The following KIAA1217 variants were observed in gnomAD, a reference collection of about 807,000 sequenced individuals.
KIAA1217 encodes KIAA1217.
KIAA1217 carries 88 observed loss-of-function variants against 163.9 expected under a neutral mutation model. That is an observed-to-expected ratio of 0.54 (90% CI 0.45 to 0.64). KIAA1217 has a LOEUF of 0.64. Among genes scored for constraint, KIAA1217 ranks in the 30% least tolerant of loss-of-function variants. The probability of loss-of-function intolerance (pLI) is 0.00; values close to 1 mark genes in which losing one functional copy is unlikely to be tolerated. For missense variants in KIAA1217, 2,372 were observed against 2,475.0 expected (o/e 0.96, Z 0.88); for synonymous variants, 903 against 923.1 (o/e 0.98, Z 0.39).
intron 2 of KIAA1217, among the ~76,000 whole-genome samples, chr10:24,365,825 CTTT>C (rs1217855512): frequency 1.3e-5 from 2 of 152,022 alleles, no homozygotes; most frequent in African/African-American, 2.4e-5. Flanking sequence ...TTCAAGTGTT[CTTT>C]TTCTTCTAGT....
intron 6 of KIAA1217, among the ~76,000 whole-genome samples, chr10:24,492,891 G>A (rs1009540089): frequency 2.6e-5 from 4 of 151,750 alleles, no homozygotes; most frequent in African/African-American, 9.7e-5. Context: ...TGTCACCCAG[G>A]ATGGAGTGCA....
chr10:24,209,855 TG>T (rs1444202941), intron 1 of KIAA1217, among the ~76,000 whole-genome samples: 1 of 152,252 alleles, frequency 6.6e-6, no homozygotes, highest in Non-Finnish European at 1.5e-5. Context: ...TGGACAATTT[TG>T]GTAAATTTTC....
chr10:23,838,160 G>C (rs1335816), intron 1 of KIAA1217, among the ~76,000 whole-genome samples: 10,808 of 152,120 alleles, frequency 0.071, 1,302 homozygotes, highest in African/African-American at 0.25. Flanking sequence ...TACTAAGACT[G>C]TGATTAATAT....
At chr10:23,941,462 C>T (rs1453939455) in intron 1 of KIAA1217, among the ~76,000 whole-genome samples, 2 of 152,116 alleles carry the variant, frequency 1.3e-5, no homozygotes, top group Non-Finnish European at 2.9e-5. Context: ...CACATTGAAT[C>T]GGACTAACAT....
At chr10:24,141,103 C>A (rs145218577) in intron 2 of KIAA1217, among the ~76,000 whole-genome samples, 635 of 152,142 alleles carry the variant, frequency 4.2e-3, no homozygotes, top group African/African-American at 0.015. Context: ...TTTCTTTCCT[C>A]CAGCATCTCC....
chr10:24,397,623 A>G (rs1412647619), intron 3 of KIAA1217, among the ~76,000 whole-genome samples: 1 of 152,158 alleles, frequency 6.6e-6, no homozygotes, highest in Non-Finnish European at 1.5e-5. Flanking sequence ...GAAAAGTAGC[A>G]TTTGATTTGG....
At position 23,945,075 on chromosome 10, in the gene KIAA1217, A is replaced by AAG. The variant is rs763057448; in HGVS notation, c.-320-62150_-320-62149insAG. ...CTCTATCTCAAAAAAAAAAAAAAAA[A>AAG]GGGTTTTAACATACATCTATCATCC... On this transcript the variant is annotated intron_variant, in intron 1 of 18. Coordinates refer to the KIAA1217 transcript ENST00000376462. 4.0e-3 allele frequency among the ~76,000 whole-genome samples: 581 copies of AAG among 146,450 alleles called. 6 individuals are homozygous for AAG. Among genetic ancestry groups the AAG allele is most frequent in the Middle Eastern group, 6.9e-3 (2 of 288 alleles).
chr10:23,862,243 C>G (rs866048139), intron 1 of KIAA1217, among the ~76,000 whole-genome samples: 1 of 152,122 alleles, frequency 6.6e-6, no homozygotes, highest in South Asian at 2.1e-4. Flanking sequence ...GATTTTGCCC[C>G]AGTATTAAAG....
chr10:24,327,023 G>A (rs2045011875), intron 2 of KIAA1217, among the ~76,000 whole-genome samples: 1 of 152,096 alleles, frequency 6.6e-6, no homozygotes, highest in Admixed American at 6.5e-5. Flanking sequence ...GCTTCTTAGT[G>A]TTTTCAAAAC....
chr10:24,317,520 A>T (rs1377360284), intron 2 of KIAA1217, among the ~76,000 whole-genome samples: 2 of 152,176 alleles, frequency 1.3e-5, no homozygotes, highest in Non-Finnish European at 2.9e-5. Context: ...AGGGGTGATG[A>T]GGAAAATACA....
At chr10:24,341,796 A>G (rs1013820919) in intron 2 of KIAA1217, among the ~76,000 whole-genome samples, 1 of 152,152 alleles carries the variant, frequency 6.6e-6, no homozygotes, top group South Asian at 2.1e-4. Context: ...ATTAGTTCCA[A>G]TCTCTTAAAT....
intron 3 of KIAA1217, among the ~76,000 whole-genome samples, chr10:24,408,863 T>C (rs1403790905): frequency 6.6e-6 from 1 of 151,996 alleles, no homozygotes; most frequent in Non-Finnish European, 1.5e-5. Flanking sequence ...AGCCACCTGA[T>C]ATAGTATACG....
rs554356079 is a variant in KIAA1217 at position 24,080,414 on chromosome 10, A to T, written c.-171+73040A>T. On this transcript the variant is annotated intron_variant, in intron 2 of 18. Transcript: ENST00000376462. ...CGTGACTAGTATTGTTCAATGGCAC[A>T]TCTGTTTTCCTAAGCCATTAATGGA... Among the ~76,000 whole-genome samples, 12 of 152,328 alleles carry T rather than the reference A, an allele frequency of 7.9e-5. No homozygotes were observed. In the South Asian group the frequency reaches 2.5e-3, roughly 32 times the overall value.
At chr10:24,533,540 G>A (rs2073456494) in intron 16 of KIAA1217, among the ~76,000 whole-genome samples, 1 of 152,222 alleles carries the variant, frequency 6.6e-6, no homozygotes, top group Non-Finnish European at 1.5e-5. Flanking sequence ...TCAAAAGCAA[G>A]TAAGATAAGG....
At chr10:23,714,612 C>T (rs1837458826) in intron 1 of KIAA1217, among the ~76,000 whole-genome samples, 1 of 152,098 alleles carries the variant, frequency 6.6e-6, no homozygotes, top group Non-Finnish European at 1.5e-5. Context: ...CCTCACTTGA[C>T]CTCTGGACTA....
chr10:24,103,861 T>C (rs2062516129), intron 2 of KIAA1217, among the ~76,000 whole-genome samples: 1 of 152,178 alleles, frequency 6.6e-6, no homozygotes, highest in South Asian at 2.1e-4. Context: ...TATTGGTGAA[T>C]GAATAGATAA....
intron 3 of KIAA1217, among the ~76,000 whole-genome samples, chr10:24,429,212 C>T (rs1036868212): frequency 2.0e-5 from 3 of 152,116 alleles, no homozygotes; most frequent in Non-Finnish European, 2.9e-5. Context: ...TTTCTGATAC[C>T]TGATCCTTCC....
intron 2 of KIAA1217, among the ~76,000 whole-genome samples, chr10:24,359,718 T>C (rs1400384506): frequency 3.3e-5 from 5 of 152,200 alleles, no homozygotes; most frequent in Admixed American, 3.3e-4. Flanking sequence ...AATTAGAAAT[T>C]CTTAGAATTA....
chr10:24,106,851 GT>G (rs962689273), intron 2 of KIAA1217, among the ~76,000 whole-genome samples: 3 of 150,304 alleles, frequency 2.0e-5, no homozygotes, highest in Non-Finnish European at 4.4e-5. Flanking sequence ...TTGTTGTTGT[GT>G]TGTTTGGTTG....
Sources: allele counts gnomAD v4.1 joint callset (sites outside exome capture counted in the v4.1 genomes callset), GRCh38; gene constraint gnomAD v4.1.1; transcripts MANE v1.5; gene names NCBI Gene and HGNC (gene_info 2026-07-23, HGNC 2026-07-21).